MYH14: variants seen among roughly 807,000 people sequenced by gnomAD.
The protein encoded by MYH14 is myosin heavy chain 14.
MYH14 carries 123 observed loss-of-function variants against 255.5 expected under a neutral mutation model. The ratio of observed to expected loss-of-function variants is 0.48; its 90% CI spans 0.42 to 0.56. The LOEUF (loss-of-function observed/expected upper bound fraction) is 0.56, where lower values mean the gene tolerates loss of function less well. Among genes scored for constraint, MYH14 ranks in the 20% least tolerant of loss-of-function variants. The pLI is 0.00. For missense variants in MYH14, 2,423 were observed against 2,802.3 expected (o/e 0.86, Z 3.06); for synonymous variants, 1,095 against 1,161.2 (o/e 0.94, Z 1.16).
At position 50,286,610 on chromosome 19, in the gene MYH14, A is replaced by G; in HGVS notation, c.4668A>G (p.Ala1556=). ...GGGCACTGGAGGAGGAGCAGGAGGC[A>G]CGTGAGGAGCTGGAGCGGCAGAACC... ...LTRALEEEQE[A]REELERQNRA... is the part of the protein sequence containing the mutation. The change falls in exon 34 of 43, where the codon GCA becomes GCG. Residue 1556 remains alanine (A), a synonymous_variant. Transcript: ENST00000642316. The G allele has an allele frequency of 1.9e-6, 3 of 1,603,592 alleles. No homozygotes were observed. The East Asian group carries it at 6.7e-5, about 36-fold the overall frequency.
chr19:50,284,541 T>C (rs565107702), intron 33 of MYH14, among the ~76,000 whole-genome samples: 1 of 151,822 alleles, frequency 6.6e-6, no homozygotes, highest in African/African-American at 2.4e-5. Flanking sequence ...CTAATTTTTT[T>C]ATTTTTATTT....
chr19:50,269,593 G>T (rs2035219676), intron 24 of MYH14, among the ~76,000 whole-genome samples: 1 of 152,186 alleles, frequency 6.6e-6, no homozygotes, highest in African/African-American at 2.4e-5. Context: ...GGTGAGGGGG[G>T]CCGACATCAC....
chr19:50,298,738 G>A lies in MYH14; in HGVS notation c.5470-2923G>A, dbSNP rs181320369. Among the ~76,000 whole-genome samples, 17 of 148,808 alleles carry A rather than the reference G, an allele frequency of 1.1e-4. No homozygotes were observed. The East Asian group carries it at 2.4e-3, about 21-fold the overall frequency. On this transcript the variant is annotated intron_variant, in intron 39 of 42. Coordinates refer to ENST00000642316, the MANE Select transcript of MYH14 (RefSeq NM_001145809.2). The stretch of plus-strand genomic sequence containing the variant: ...TGCACTCCAGCCTAGGCAACAGAGC[G>A]AGACTCCATCTAAAAAAAAAAAAAA...
intron 17 of MYH14, among the ~76,000 whole-genome samples, chr19:50,256,996 G>GA (rs1469982818): frequency 1.3e-5 from 2 of 152,214 alleles, no homozygotes; most frequent in Non-Finnish European, 2.9e-5. Flanking sequence ...AAGGAAAACA[G>GA]AGATCATGTC....
At chr19:50,244,374 C>G (rs751261104) in intron 11 of MYH14, 37 bp downstream of exon 11, 1 of 1,583,354 alleles carries the variant, frequency 6.3e-7, no homozygotes, top group African/African-American at 1.3e-5. Flanking sequence ...GACCTCCAGC[C>G]CCCGCCCAGG....
In MYH14 at chr19:50,280,673, C is replaced by G. The variant is rs1215278743; in HGVS notation, c.4290+290C>G. 2.0e-5 allele frequency among the ~76,000 whole-genome samples: 3 copies of G among 152,096 alleles called. No homozygotes were observed. Among genetic ancestry groups the G allele is most frequent in the African/African-American group, 7.2e-5 (3 of 41,406 alleles). ...TTGGCCTCTGGGCCTCCAGCCTCTC[C>G]CCTAACAGCTCATCCCCTGCACAGC... On this transcript the variant is annotated intron_variant, in intron 32 of 42. Coordinates refer to ENST00000642316, the MANE Select transcript of MYH14 (RefSeq NM_001145809.2). This position sits in a 1 kb window ranked among gnomAD's most constrained non-coding sequence, Gnocchi z 4.8.
At chr19:50,289,085 G>T (rs1376234071) in intron 34 of MYH14, among the ~76,000 whole-genome samples, 1 of 152,052 alleles carries the variant, frequency 6.6e-6, no homozygotes, top group East Asian at 1.9e-4. Flanking sequence ...TCCCAAAGAT[G>T]AATTCCCAGT....
At chr19:50,240,632 G>A (rs1347763185) in intron 10 of MYH14, among the ~76,000 whole-genome samples, 1 of 150,946 alleles carries the variant, frequency 6.6e-6, no homozygotes, top group African/African-American at 2.4e-5. Flanking sequence ...TGGAAGCACA[G>A]AAATTAAAAG....
intron 9 of MYH14, chr19:50,231,113 G>T: frequency 5.9e-6 from 1 of 169,280 alleles, no homozygotes; most frequent in Non-Finnish European, 1.3e-5. Context: ...CTGCCCTCTG[G>T]CTGCCCAAGC....
At position 50,212,537 on chromosome 19, in the gene MYH14, C is replaced by T. The variant is rs544113263; in HGVS notation, c.405+1767C>T. Among the ~76,000 whole-genome samples the T allele has an allele frequency of 1.2e-3, 177 of 152,322 alleles. 1 individual carries two copies. The highest frequency in any genetic ancestry group is 3.4e-3 in the Middle Eastern group (1 of 294). On this transcript the variant is annotated intron_variant, in intron 2 of 42. Coordinates refer to ENST00000642316, the MANE Select transcript of MYH14 (RefSeq NM_001145809.2). ...GTGACCCACAGCCATGAAGGAATCA[C>T]GCCAGGATTTGAACCCAGGCAGCTG...
chr19:50,219,794 T>C (rs1242437009), intron 3 of MYH14, among the ~76,000 whole-genome samples: 2 of 152,034 alleles, frequency 1.3e-5, no homozygotes, highest in Non-Finnish European at 2.9e-5. Flanking sequence ...ACATCTATTA[T>C]AGATATAATG....
At chr19:50,281,291 A>G (rs888783426) in intron 32 of MYH14, among the ~76,000 whole-genome samples, 1 of 152,126 alleles carries the variant, frequency 6.6e-6, no homozygotes, top group African/African-American at 2.4e-5. Context: ...CCATACTGCT[A>G]CCTTAACCCC....
In MYH14 at chr19:50,293,509, G is replaced by C; in HGVS notation, c.5346-55G>C. Reference sequence around the variant, plus strand: ...ACAGGGTCCTGTAGTGTGAGGCAAGGCACCCTCCTCTGACCATCCTGTCCT... The same window carrying C: ...ACAGGGTCCTGTAGTGTGAGGCAAGCCACCCTCCTCTGACCATCCTGTCCT... On this transcript the variant is annotated intron_variant, in intron 38 of 42. Transcript: ENST00000642316. This position sits in a 1 kb window ranked among gnomAD's most constrained non-coding sequence, Gnocchi z 4.1. 3 of 1,603,700 alleles carry C rather than the reference G, an allele frequency of 1.9e-6. No individual in the cohort carries two copies. Among genetic ancestry groups the C allele is most frequent in the Non-Finnish European group, 2.6e-6 (3 of 1,175,740 alleles).
intron 26 of MYH14, 23 bp downstream of exon 26, chr19:50,271,995 G>T: frequency 6.2e-7 from 1 of 1,602,994 alleles, no homozygotes. Context: ...CCAGCCAGTA[G>T]GGGTCTGTGT....
At chr19:50,288,610 T>A (rs1470793076) in intron 34 of MYH14, among the ~76,000 whole-genome samples, 1 of 152,230 alleles carries the variant, frequency 6.6e-6, no homozygotes, top group Non-Finnish European at 1.5e-5. Flanking sequence ...AAGTAGATAC[T>A]GTCAGTGACC....
Position 50,260,702 on chromosome 19 carries a change from C to T in MYH14, c.2411C>T (p.Ala804Val), listed in dbSNP as rs2123347353. 1 of 1,612,904 alleles carries T rather than the reference C, an allele frequency of 6.2e-7. No homozygotes were observed. Among genetic ancestry groups the T allele is most frequent in the South Asian group, 1.1e-5 (1 of 91,012 alleles). Reference protein sequence around the residue: ...IPKGFMDGKQACEKMIQALEL... With the variant: ...IPKGFMDGKQVCEKMIQALEL... ...AAGGGCTTCATGGATGGGAAGCAGG[C>T]CTGTGAAAAGATGGTGAGTGGGGCA... Residue 804 changes from alanine to valine, a missense_variant, in exon 20 of 43, where the codon GCC (alanine) becomes GTC (valine). By Grantham distance (64) the Ala-to-Val change is moderately conservative (BLOSUM62 0). Coordinates refer to ENST00000642316, the MANE Select transcript of MYH14 (RefSeq NM_001145809.2).
At chr19:50,294,660 T>G (rs2036201737) in intron 39 of MYH14, among the ~76,000 whole-genome samples, 1 of 151,486 alleles carries the variant, frequency 6.6e-6, no homozygotes, top group African/African-American at 2.4e-5. Flanking sequence ...GCCTGGGAGA[T>G]TGAGGCTGCA....
rs181672087 is a variant in MYH14 at position 50,288,032 on chromosome 19, C to T, written c.4752+1338C>T. ...CTCCAGGGCCTGTAGGGTGGTGCCC[C>T]AAGGCTTCTCGCAGGCTCCCCTCAC... On this transcript the variant is annotated intron_variant, in intron 34 of 42. Coordinates refer to ENST00000642316, the MANE Select transcript of MYH14 (RefSeq NM_001145809.2). Among the ~76,000 whole-genome samples, 945 of 152,250 alleles carry T rather than the reference C, an allele frequency of 6.2e-3. 7 individuals carry two copies. Among genetic ancestry groups the T allele is most frequent in the Non-Finnish European group, 0.011 (753 of 68,004 alleles).
At chr19:50,305,013 T>C (rs1290968677) in intron 40 of MYH14, among the ~76,000 whole-genome samples, 1 of 151,858 alleles carries the variant, frequency 6.6e-6, no homozygotes, top group Non-Finnish European at 1.5e-5. Flanking sequence ...GGGAGGTAAA[T>C]GAGGCTTGAA....
Sources: allele counts gnomAD v4.1 joint callset (sites outside exome capture counted in the v4.1 genomes callset), GRCh38; gene constraint gnomAD v4.1.1; non-coding constraint Gnocchi (gnomAD v3.1); transcripts MANE v1.5; gene names NCBI Gene and HGNC (gene_info 2026-07-23, HGNC 2026-07-21).